The following WRN variants were observed in gnomAD, a reference collection of about 807,000 sequenced individuals.
The protein encoded by WRN is bifunctional 3'-5' exonuclease/ATP-dependent helicase WRN.
In WRN, 149 loss-of-function variants were observed where a neutral mutation model predicts 180.7. That is an observed-to-expected ratio of 0.82 (90% confidence interval 0.72 to 0.94). The LOEUF (loss-of-function observed/expected upper bound fraction) is 0.94, where lower values mean the gene tolerates loss of function less well. Ranked by LOEUF, WRN falls within the 40% of genes least tolerant of loss-of-function variation. WRN has a pLI of 0.00. For missense variants in WRN, 1,661 were observed against 1,700.1 expected (o/e 0.98, Z 0.40); for synonymous variants, 548 against 568.9 (o/e 0.96, Z 0.52).
chr8:31,172,799 A>G (rs1186745709), intron 34 of WRN, among the ~76,000 whole-genome samples, 196 bp from the exon 35 acceptor site: 1 of 152,208 alleles, frequency 6.6e-6, no homozygotes, highest in Non-Finnish European at 1.5e-5. Flanking sequence ...TGCCTGAAGA[A>G]ATGATGTAGT....
rs958343918 is a variant in WRN, at chr8:31,113,033, C to T, written c.2273+1234C>T. ...CCAGCCTGGGCAACATGGTGAATCC[C>T]TGTCTCTACAAAAAATACAAAAATT... On this transcript the variant is annotated intron_variant, in intron 19 of 34. Transcript: ENST00000298139. 5.3e-5 allele frequency among the ~76,000 whole-genome samples: 8 copies of T among 151,838 alleles called. No homozygotes were observed. The East Asian group carries it at 1.6e-3, about 30-fold the overall frequency.
intron 20 of WRN, among the ~76,000 whole-genome samples, chr8:31,118,941 G>C (rs1259109936): frequency 2.0e-5 from 3 of 151,924 alleles, no homozygotes; most frequent in Non-Finnish European, 4.4e-5. Flanking sequence ...TATAAGGATA[G>C]TTTGAAAATC....
chr8:31,034,248 T>C (rs146944768), intron 1 of WRN, among the ~76,000 whole-genome samples: 1 of 152,308 alleles, frequency 6.6e-6, no homozygotes, highest in Non-Finnish European at 1.5e-5. Flanking sequence ...AGGATTGCTC[T>C]TTCTAGTACG....
rs76679250 is a variant in WRN, at chr8:31,133,133, G to A, written c.2967+627G>A. ...GTACAAATGTGAATAAGATAGGACC[G>A]TTGCAGTCCAAGAGCTTGTTCTGTA... On this transcript the variant is annotated intron_variant, in intron 24 of 34. Coordinates refer to ENST00000298139, the MANE Select transcript of WRN (RefSeq NM_000553.6). 3.5e-3 allele frequency among the ~76,000 whole-genome samples: 534 copies of A among 152,210 alleles called. 2 individuals are homozygous for A. Among genetic ancestry groups the A allele is most frequent in the Admixed American group, 5.7e-3 (87 of 15,282 alleles).
At chr8:31,125,971 A>AATATATATATATATATATAT (rs55952524) in intron 23 of WRN, among the ~76,000 whole-genome samples, 35 of 145,592 alleles carry the variant, frequency 2.4e-4, no homozygotes, top group African/African-American at 6.7e-4. Context: ...CATCATCCTA[A>AATATATATATATATATATAT]ATATATATAT....
In WRN at chr8:31,068,328, G is replaced by T. The variant is rs1339616347; in HGVS notation, c.724+1G>T. 6.2e-7 allele frequency: 1 copy of T among 1,600,446 alleles called. No homozygotes were observed. Among genetic ancestry groups the T allele is most frequent in the Non-Finnish European group, 8.6e-7 (1 of 1,168,972 alleles). On this transcript the variant is annotated splice_donor_variant, in intron 7 of 34. Coordinates refer to ENST00000298139, the MANE Select transcript of WRN (RefSeq NM_000553.6). LOFTEE classifies it high-confidence loss of function. Reference sequence around the variant, plus strand: ...GTGCAAAGGTTTGCTATAAATAAAGGTATGTTAAGATCCATAAATAAAATG... The same window carrying T: ...GTGCAAAGGTTTGCTATAAATAAAGTTATGTTAAGATCCATAAATAAAATG...
At chr8:31,072,929 T>C (rs1451593709) in intron 7 of WRN, among the ~76,000 whole-genome samples, 3 of 152,066 alleles carry the variant, frequency 2.0e-5, no homozygotes, top group Non-Finnish European at 2.9e-5. Context: ...ATTGGCTGGC[T>C]CTTTTGGAGG....
intron 1 of WRN, among the ~76,000 whole-genome samples, chr8:31,035,627 C>T (rs1811426316): frequency 1.3e-5 from 2 of 152,164 alleles, no homozygotes; most frequent in South Asian, 2.1e-4. Flanking sequence ...GTTAGGGAAA[C>T]GTGATCTGAA....
intron 23 of WRN, among the ~76,000 whole-genome samples, chr8:31,125,998 A>ATATATATATATATATATC (rs1267704813): frequency 2.1e-5 from 3 of 145,376 alleles, no homozygotes; most frequent in African/African-American, 7.7e-5. Context: ...ATATATATAT[A>ATATATATATATATATATC]TCTACTTAAC....
At chr8:31,048,931 A>T (rs1455179943) in intron 1 of WRN, among the ~76,000 whole-genome samples, 1 of 152,110 alleles carries the variant, frequency 6.6e-6, no homozygotes, top group Non-Finnish European at 1.5e-5. Flanking sequence ...AAGTTAGATG[A>T]GTGTATGAAT....
chr8:31,063,577 T>C (rs937281023), intron 3 of WRN, among the ~76,000 whole-genome samples: 3 of 152,256 alleles, frequency 2.0e-5, no homozygotes, highest in African/African-American at 7.2e-5. Flanking sequence ...GAACCACCGA[T>C]AGATATCCTC....
chr8:31,172,158 T>TGC (rs1554539701), intron 34 of WRN, among the ~76,000 whole-genome samples: 108 of 151,934 alleles, frequency 7.1e-4, no homozygotes, highest in East Asian at 4.3e-3. Flanking sequence ...TGTGTGTGTG[T>TGC]GCCTGTGTGT....
rs1802376139 is a variant in WRN at position 31,135,818 on chromosome 8, C to CTCT, written c.2967+3313_2967+3315dup. Among the ~76,000 whole-genome samples, 30 of 151,652 alleles carry CTCT rather than the reference C, an allele frequency of 2.0e-4. No homozygotes were observed. In the South Asian group the frequency reaches 6.1e-3, roughly 31 times the overall value. On this transcript the variant is annotated intron_variant, in intron 24 of 34. Transcript: ENST00000298139. ...CTTTTCTTCTCTCTTCTCTTCTCTT[C>CTCT]TCTCTTCTTTTTCTTTTTTCTTTTT...
chr8:31,048,483 T>C (rs1454748953), intron 1 of WRN, among the ~76,000 whole-genome samples: 1 of 152,220 alleles, frequency 6.6e-6, no homozygotes, highest in Non-Finnish European at 1.5e-5. Flanking sequence ...ATAGATTGTA[T>C]ATATGTATAT....
At position 31,150,360 on chromosome 8, in the gene WRN, G is replaced by C. The variant is rs147116477; in HGVS notation, c.3592G>C (p.Val1198Leu). The C allele has an allele frequency of 4.3e-6, 7 of 1,614,072 alleles. No individual in the cohort carries two copies. In the Admixed American group the frequency reaches 1.2e-4, roughly 27 times the overall value. ...ACACAGACCAACTACGGTTGAAAAC[G>C]TAAAAAGGATTGATGGTGTTTCTGA... ...AKMRPTTVENVKRIDGVSEGK... is the reference protein window; with the variant it reads ...AKMRPTTVENLKRIDGVSEGK... The change falls in exon 31 of 35, where the codon GTA (valine) becomes CTA (leucine). Residue 1198 changes from valine to leucine, a missense_variant. By Grantham distance (32) the Val-to-Leu change is conservative. Coordinates refer to ENST00000298139, the MANE Select transcript of WRN (RefSeq NM_000553.6).
intron 20 of WRN, among the ~76,000 whole-genome samples, chr8:31,117,794 T>A (rs2130311365): frequency 6.6e-6 from 1 of 152,312 alleles, no homozygotes; most frequent in East Asian, 1.9e-4. Flanking sequence ...CATGCTGTAA[T>A]GCATACCCGC....
intron 27 of WRN, among the ~76,000 whole-genome samples, chr8:31,143,024 G>GACACAC (rs10529735): frequency 3.2e-3 from 431 of 136,584 alleles, no homozygotes; most frequent in East Asian, 7.4e-3. Flanking sequence ...TCTTATTAAA[G>GACACAC]ACACACACAC....
intron 1 of WRN, among the ~76,000 whole-genome samples, chr8:31,035,409 G>A (rs948248819): frequency 1.3e-5 from 2 of 152,130 alleles, no homozygotes; most frequent in African/African-American, 4.8e-5. Context: ...GACGTTCTCT[G>A]GAGGAGAAGA....
intron 18 of WRN, among the ~76,000 whole-genome samples, chr8:31,104,577 C>T (rs982566004): frequency 6.6e-6 from 1 of 152,098 alleles, no homozygotes; most frequent in African/African-American, 2.4e-5. Context: ...GTGCTCTTCA[C>T]CTAGCCCTAG....
Sources: gnomAD v4.1 joint callset for allele counts (sites outside exome capture counted in the v4.1 genomes callset) on GRCh38, gnomAD v4.1.1 for gene constraint, MANE v1.5 for transcripts, NCBI Gene and HGNC (gene_info 2026-07-23, HGNC 2026-07-21) for gene names.